Variants in PCDH15 observed in about 807,000 individuals in gnomAD.
PCDH15 encodes the protein protocadherin related 15.
Under a neutral mutation model 178.5 loss-of-function variants are expected in PCDH15, and 129 were observed. That is an observed-to-expected ratio of 0.72 (90% CI 0.63 to 0.84). The LOEUF (loss-of-function observed/expected upper bound fraction) is 0.84, where lower values mean the gene tolerates loss of function less well. PCDH15 is among the 40% of genes least tolerant of loss of function. The probability of loss-of-function intolerance (pLI) is 0.00; values close to 1 mark genes in which losing one functional copy is unlikely to be tolerated. For missense variants in PCDH15, 2,230 were observed against 2,099.9 expected (o/e 1.06, Z -1.21); for synonymous variants, 800 against 732.0 (o/e 1.09, Z -1.50).
intron 20 of PCDH15, among the ~76,000 whole-genome samples, chr10:54,018,740 A>G (rs1346164394): frequency 6.6e-6 from 1 of 152,076 alleles, no homozygotes. Context: ...CTATGGTATG[A>G]TCCTGCAACT....
chr10:55,401,632 G>GTA (rs1838073376), intron 2 of PCDH15, among the ~76,000 whole-genome samples: 1 of 151,386 alleles, frequency 6.6e-6, no homozygotes, highest in South Asian at 2.1e-4. Context: ...GTGTGTGTGT[G>GTA]TGTGTAGTGA....
At chr10:54,353,262 A>T (rs191753559) in intron 5 of PCDH15, among the ~76,000 whole-genome samples, 3 of 146,662 alleles carry the variant, frequency 2.0e-5, no homozygotes, top group South Asian at 4.2e-4. Context: ...CAGAACTGAT[A>T]AAAAAAATAC....
chr10:55,192,812 C>T (rs1839979729), intron 1 of PCDH15, among the ~76,000 whole-genome samples: 2 of 151,014 alleles, frequency 1.3e-5, no homozygotes, highest in African/African-American at 2.4e-5. Context: ...CATGTACATA[C>T]ATACATATAT....
At position 55,110,048 on chromosome 10, in the gene PCDH15, TATTG is replaced by T. The variant is rs200522808; in HGVS notation, c.-80+56524_-80+56527del. 5.8e-3 allele frequency among the ~76,000 whole-genome samples: 874 copies of T among 151,820 alleles called. 12 individuals carry two copies. Among genetic ancestry groups the T allele is most frequent in the African/African-American group, 0.014 (564 of 41,522 alleles). ...TATTTGTTGTATTAATTGTAGTTAC[TATTG>T]ATTTTTAATATTATAGCATAAAGTT... On this transcript the variant is annotated intron_variant, in intron 2 of 5. Transcript: ENST00000458638.
intron 2 of PCDH15, among the ~76,000 whole-genome samples, chr10:55,564,821 A>G (rs78288638): frequency 2.6e-5 from 4 of 151,770 alleles, no homozygotes; most frequent in Admixed American, 2.6e-4. Context: ...GCTATAATAA[A>G]TATCAACATG....
intron 2 of PCDH15, among the ~76,000 whole-genome samples, chr10:55,476,683 A>T (rs980444210): frequency 1.3e-5 from 2 of 152,010 alleles, no homozygotes; most frequent in African/African-American, 4.8e-5. Context: ...GCTTTGGAAA[A>T]TTTTAAACAT....
chr10:55,319,247 C>T (rs1016303544), intron 1 of PCDH15, among the ~76,000 whole-genome samples: 1 of 152,048 alleles, frequency 6.6e-6, no homozygotes, highest in African/African-American at 2.4e-5. Flanking sequence ...ACAAACCAGA[C>T]TTCAAGAGAA....
chr10:55,397,326 A>C (rs926182957), intron 2 of PCDH15, among the ~76,000 whole-genome samples: 1 of 152,140 alleles, frequency 6.6e-6, no homozygotes, highest in Admixed American at 6.6e-5. Context: ...TCAATGAGGC[A>C]GGTTGAAAAA....
rs150559387 is a variant in PCDH15 at position 54,293,629 on chromosome 10, C to CA, written c.876+23641dup. ...CTCAAACAAATTTACAAGACAAAAACAAAAAAACCCATTAAAAAGTGGTCA... is the reference window on the plus strand; with the variant it reads ...CTCAAACAAATTTACAAGACAAAAACAAAAAAAACCCATTAAAAAGTGGTCA... On this transcript the variant is annotated intron_variant, in intron 8 of 37. Coordinates refer to ENST00000644397, the MANE Select transcript of PCDH15 (RefSeq NM_001384140.1). Among the ~76,000 whole-genome samples the CA allele has an allele frequency of 5.1e-3, 780 of 152,070 alleles. 10 individuals carry two copies. The highest frequency in any genetic ancestry group is 6.0e-3 in the Non-Finnish European group (411 of 67,972).
chr10:54,019,139 T>C (rs1192575866), intron 20 of PCDH15, among the ~76,000 whole-genome samples: 1 of 152,054 alleles, frequency 6.6e-6, no homozygotes, highest in African/African-American at 2.4e-5. Flanking sequence ...TCCAAGTCTA[T>C]TCAGGAAGCA....
chr10:54,697,535 A>ATG (rs60155436), intron 1 of PCDH15, among the ~76,000 whole-genome samples: 5 of 149,384 alleles, frequency 3.3e-5, no homozygotes, highest in African/African-American at 1.2e-4. Flanking sequence ...ATATATATAT[A>ATG]CCTCTTTACA....
chr10:53,900,910 C>T (rs1314669231), intron 26 of PCDH15, among the ~76,000 whole-genome samples: 3 of 152,138 alleles, frequency 2.0e-5, no homozygotes, highest in Non-Finnish European at 4.4e-5. Context: ...TAACATTTGG[C>T]TTATCTTTTT....
intron 1 of PCDH15, among the ~76,000 whole-genome samples, chr10:54,762,558 T>A (rs1948021821): frequency 6.6e-6 from 1 of 152,122 alleles, no homozygotes; most frequent in Admixed American, 6.5e-5. Flanking sequence ...CTATTGAGAT[T>A]TTAGCTATAA....
rs971079838 is a variant in PCDH15 at position 54,032,364 on chromosome 10, C to T, written c.2221-9167G>A. Among the ~76,000 whole-genome samples, 4 of 151,860 alleles carry T rather than the reference C, an allele frequency of 2.6e-5. No individual in the cohort carries two copies. In the South Asian group the frequency reaches 6.2e-4, roughly 24 times the overall value. ...TTTTCTGTCATTTTTTAATAGCCCA[C>T]ATGAAATTAAGAATTCATAAGGACA... On this transcript the variant is annotated intron_variant, in intron 18 of 37. Coordinates refer to ENST00000644397, the MANE Select transcript of PCDH15 (RefSeq NM_001384140.1).
At chr10:55,091,868 A>T (rs1248113906) in intron 2 of PCDH15, among the ~76,000 whole-genome samples, 1 of 151,684 alleles carries the variant, frequency 6.6e-6, no homozygotes, top group African/African-American at 2.4e-5. Context: ...AAAAACATTT[A>T]TTAGCTGAGA....
chr10:55,302,015 T>C (rs1048559710), intron 1 of PCDH15, among the ~76,000 whole-genome samples: 2 of 152,194 alleles, frequency 1.3e-5, no homozygotes, highest in Admixed American at 1.3e-4. Context: ...GTTAGTAGAA[T>C]GCTATCTTCC....
chr10:54,490,424 T>C (rs2079482354), intron 3 of PCDH15, among the ~76,000 whole-genome samples: 1 of 152,008 alleles, frequency 6.6e-6, no homozygotes, highest in Non-Finnish European at 1.5e-5. Flanking sequence ...CACTCCAGCC[T>C]GGGTGACAGA....
At chr10:55,015,066 T>C (rs1840138795) in intron 2 of PCDH15, among the ~76,000 whole-genome samples, 1 of 151,910 alleles carries the variant, frequency 6.6e-6, no homozygotes, top group Non-Finnish European at 1.5e-5. Context: ...ACTAAGAATA[T>C]AAAAATTAGC....
intron 25 of PCDH15, among the ~76,000 whole-genome samples, chr10:53,934,183 A>G (rs1204237352): frequency 6.6e-6 from 1 of 152,136 alleles, no homozygotes; most frequent in Non-Finnish European, 1.5e-5. Context: ...ACACTTGTAT[A>G]CTAGGAATCT....
Sources: gnomAD v4.1 joint callset for allele counts (sites outside exome capture counted in the v4.1 genomes callset) on GRCh38, gnomAD v4.1.1 for gene constraint, MANE v1.5 for transcripts, NCBI Gene and HGNC (gene_info 2026-07-23, HGNC 2026-07-21) for gene names.